CNTN4: variants seen among roughly 807,000 people sequenced by gnomAD.
The protein encoded by CNTN4 is contactin 4, also known as contactin-4.
In CNTN4, 77 loss-of-function variants were observed where a neutral mutation model predicts 122.5. The ratio of observed to expected loss-of-function variants is 0.63; its 90% CI spans 0.52 to 0.76. The LOEUF is 0.76. CNTN4 is among the 30% of genes least tolerant of loss of function. The pLI is 0.00. For synonymous variants in CNTN4, 512 were observed against 447.0 expected, an observed-to-expected ratio of 1.15 and a Z score of -1.83; for missense variants, 1,256 against 1,259.1, an observed-to-expected ratio of 1.00 and a Z score of 0.04.
At chr3:2,247,767 G>A (rs940892725) in intron 2 of CNTN4, among the ~76,000 whole-genome samples, 5 of 151,922 alleles carry the variant, frequency 3.3e-5, no homozygotes, top group African/African-American at 1.2e-4. Flanking sequence ...AGCAACCCAT[G>A]TCTAGTCAGC....
chr3:2,834,888 T>C lies in CNTN4; in HGVS notation c.454+15307T>C, dbSNP rs924404985. Among the ~76,000 whole-genome samples the C allele has an allele frequency of 2.2e-5, 3 of 139,102 alleles. No individual in the cohort carries two copies. In the East Asian group the frequency reaches 6.8e-4, roughly 31 times the overall value. 91.3% of individuals were successfully genotyped at this position (139,102 alleles called of 152,430 possible). ...TCAAATACAAAAGCATTAAATTAGA[T>C]AAAGGCAACCTTTTTTTTTTTTTTT... is the stretch of plus-strand genomic sequence containing the variant. On this transcript the variant is annotated intron_variant, in intron 7 of 24. Coordinates refer to ENST00000418658, the MANE Select transcript of CNTN4 (RefSeq NM_175607.3).
rs377453074 is a variant in CNTN4, at chr3:2,406,358, A to T, written c.-89+67125A>T. ...AAAAATATATAACTTCAATCTCATC[A>T]TGAGGCTGCACCAGGCAAACCTAAC... is the stretch of plus-strand genomic sequence containing the variant. On this transcript the variant is annotated intron_variant, in intron 3 of 24. Coordinates refer to ENST00000418658, the MANE Select transcript of CNTN4 (RefSeq NM_175607.3). 1.2e-3 allele frequency among the ~76,000 whole-genome samples: 190 copies of T among 152,332 alleles called. 1 individual carries two copies. Among genetic ancestry groups the T allele is most frequent in the South Asian group, 0.011 (51 of 4,826 alleles).
intron 3 of CNTN4, among the ~76,000 whole-genome samples, chr3:2,567,710 C>T (rs1432705821): frequency 2.0e-5 from 3 of 152,196 alleles, no homozygotes; most frequent in Non-Finnish European, 4.4e-5. Context: ...TTTTCTTGCA[C>T]TGCTGTAACT....
chr3:2,847,956 G>A (rs1201855521), intron 7 of CNTN4, among the ~76,000 whole-genome samples: 6 of 152,130 alleles, frequency 3.9e-5, no homozygotes, highest in Admixed American at 3.3e-4. Context: ...ATGTGGTATT[G>A]TATCTAAAAT....
chr3:2,400,900 T>C (rs1028550712), intron 3 of CNTN4, among the ~76,000 whole-genome samples: 2 of 151,380 alleles, frequency 1.3e-5, no homozygotes, highest in Non-Finnish European at 3.0e-5. Flanking sequence ...CATCACAGGT[T>C]TGAAATTAAC....
At chr3:2,957,146 T>C (rs905469994) in intron 13 of CNTN4, among the ~76,000 whole-genome samples, 2 of 152,208 alleles carry the variant, frequency 1.3e-5, no homozygotes, top group Admixed American at 6.5e-5. Flanking sequence ...TCTTTGGATA[T>C]ATACGCAGAA....
chr3:2,851,918 T>C (rs1256837808), intron 7 of CNTN4, among the ~76,000 whole-genome samples: 1 of 152,212 alleles, frequency 6.6e-6, no homozygotes, highest in Non-Finnish European at 1.5e-5. Context: ...CTGCTTCTAA[T>C]AAAGGAGAAC....
chr3:2,679,644 T>C (rs962561227), intron 4 of CNTN4, among the ~76,000 whole-genome samples: 1 of 152,294 alleles, frequency 6.6e-6, no homozygotes, highest in Admixed American at 6.5e-5. Flanking sequence ...GGTCATCTGG[T>C]TGGATGAGAA....
In CNTN4 at chr3:2,154,199, A is replaced by G. The variant is rs139020951; in HGVS notation, c.-145+53560A>G. Among the ~76,000 whole-genome samples the G allele has an allele frequency of 3.6e-3, 555 of 152,200 alleles. 4 individuals carry two copies. The highest frequency in any genetic ancestry group is 0.013 in the African/African-American group (529 of 41,520). On this transcript the variant is annotated intron_variant, in intron 2 of 24. Transcript: ENST00000418658. The stretch of plus-strand genomic sequence containing the variant: ...CAAGAGTTCGAGACCAGCATGGCCA[A>G]CATGGTGAAACCCCGTCTCTACAAA...
chr3:2,719,709 C>T (rs1055100300), intron 4 of CNTN4, among the ~76,000 whole-genome samples: 3 of 152,096 alleles, frequency 2.0e-5, no homozygotes, highest in African/African-American at 7.2e-5. Flanking sequence ...CAGGCGTGAG[C>T]CACCACGCTG....
intron 2 of CNTN4, among the ~76,000 whole-genome samples, chr3:2,220,200 C>T (rs956303204): frequency 3.3e-5 from 5 of 152,218 alleles, no homozygotes; most frequent in Non-Finnish European, 7.4e-5. Context: ...TGTCCATTTT[C>T]TGGATTTCCC....
At chr3:2,220,171 C>T (rs750212976) in intron 2 of CNTN4, among the ~76,000 whole-genome samples, 2 of 152,140 alleles carry the variant, frequency 1.3e-5, no homozygotes, top group African/African-American at 2.4e-5. Context: ...GCTCAAATCA[C>T]ACATTCCTGG....
intron 2 of CNTN4, among the ~76,000 whole-genome samples, chr3:2,274,876 C>G (rs755970487): frequency 2.3e-5 from 3 of 128,450 alleles, no homozygotes; most frequent in African/African-American, 8.0e-5. Flanking sequence ...GCTAGGAATT[C>G]AAGAATGGGG....
At chr3:2,259,393 T>C (rs2040729506) in intron 2 of CNTN4, among the ~76,000 whole-genome samples, 1 of 152,172 alleles carries the variant, frequency 6.6e-6, no homozygotes, top group African/African-American at 2.4e-5. Flanking sequence ...GAAACTAATC[T>C]CAGAGTTGCA....
chr3:2,409,947 G>A (rs993281189), intron 3 of CNTN4, among the ~76,000 whole-genome samples: 2 of 151,940 alleles, frequency 1.3e-5, no homozygotes, highest in African/African-American at 4.8e-5. Context: ...GTTGGTGTCT[G>A]GCTGTCACCA....
At chr3:2,511,907 G>A (rs1253358297) in intron 3 of CNTN4, among the ~76,000 whole-genome samples, 1 of 152,140 alleles carries the variant, frequency 6.6e-6, no homozygotes, top group African/African-American at 2.4e-5. Flanking sequence ...TGCTTTTATA[G>A]AAATTAGAAA....
intron 3 of CNTN4, among the ~76,000 whole-genome samples, chr3:2,550,343 GA>G (rs1296532892): frequency 6.6e-6 from 1 of 151,986 alleles, no homozygotes; most frequent in East Asian, 1.9e-4. Context: ...ACAAACATAT[GA>G]AAAAAATCTC....
intron 7 of CNTN4, among the ~76,000 whole-genome samples, chr3:2,839,896 C>CT (rs979333559): frequency 2.6e-5 from 4 of 152,124 alleles, no homozygotes; most frequent in African/African-American, 9.7e-5. Context: ...AATCTAGGGA[C>CT]TTTTTTAAAA....
intron 2 of CNTN4, among the ~76,000 whole-genome samples, chr3:2,269,872 C>T (rs928048852): frequency 6.6e-6 from 1 of 151,932 alleles, no homozygotes; most frequent in Admixed American, 6.6e-5. Flanking sequence ...TTGCCACCAC[C>T]CCCCGCCCAT....
Sources: gnomAD v4.1 joint callset for allele counts (sites outside exome capture counted in the v4.1 genomes callset) on GRCh38, gnomAD v4.1.1 for gene constraint, MANE v1.5 for transcripts, NCBI Gene and HGNC (gene_info 2026-07-23, HGNC 2026-07-21) for gene names.